Variants in TNFSF4 observed in about 807,000 individuals in gnomAD.
TNFSF4 encodes TNF superfamily member 4, also known as tumor necrosis factor ligand superfamily member 4.
TNFSF4 carries 4 observed loss-of-function variants against 7.3 expected under a neutral mutation model. That is an observed-to-expected ratio of 0.55 (90% CI 0.27 to 1.25). The LOEUF is 1.25. TNFSF4 is among the 50% of genes most tolerant of loss of function. TNFSF4 has a pLI of 0.12. For synonymous variants in TNFSF4, 76 were observed against 83.7 expected, an observed-to-expected ratio of 0.91 and a Z score of 0.50; for missense variants, 181 against 208.8, an observed-to-expected ratio of 0.87 and a Z score of 0.82.
chr1:173,254,364 G>A, the TNFSF4 span, among the ~76,000 whole-genome samples: 1 of 152,146 alleles, frequency 6.6e-6, no homozygotes, highest in Non-Finnish European at 1.5e-5. Context: ...GGAAAAAAAT[G>A]GCTGATTATT....
the TNFSF4 span, among the ~76,000 whole-genome samples, chr1:173,433,578 T>C: frequency 6.6e-6 from 1 of 151,806 alleles, no homozygotes; most frequent in Admixed American, 6.6e-5. Flanking sequence ...GGCATGCACC[T>C]GTAGACCCAG....
chr1:173,198,641 T>A (rs113460364), intron 1 of TNFSF4, among the ~76,000 whole-genome samples: 1 of 152,086 alleles, frequency 6.6e-6, no homozygotes, highest in Non-Finnish European at 1.5e-5. Context: ...AACAAAAAGA[T>A]TATTCCTGTA....
upstream of TNFSF4, chr1:173,207,432 C>CTT: frequency 8.2e-5 from 24 of 293,132 alleles, no homozygotes; most frequent in East Asian, 2.3e-4. Context: ...TACTTTCTTT[C>CTT]TTTTTTTTTT....
the TNFSF4 span, among the ~76,000 whole-genome samples, chr1:173,444,858 AC>A: frequency 6.6e-6 from 1 of 152,228 alleles, no homozygotes; most frequent in Non-Finnish European, 1.5e-5. Flanking sequence ...GCACACTGTC[AC>A]CTGCATTCTA....
chr1:173,252,223 A>G, the TNFSF4 span, among the ~76,000 whole-genome samples: 1 of 152,168 alleles, frequency 6.6e-6, no homozygotes, highest in Non-Finnish European at 1.5e-5. Context: ...ATAGAAAGAA[A>G]AATAGAAAAG....
At chr1:173,401,179 G>A in the TNFSF4 span, among the ~76,000 whole-genome samples, 8 of 152,174 alleles carry the variant, frequency 5.3e-5, no homozygotes, top group Admixed American at 1.3e-4. Flanking sequence ...TCACTCAAGT[G>A]CTTTAACTCC....
the TNFSF4 span, among the ~76,000 whole-genome samples, chr1:173,319,444 A>T: frequency 6.6e-6 from 1 of 152,126 alleles, no homozygotes; most frequent in Non-Finnish European, 1.5e-5. Context: ...GTACCTGCTG[A>T]CTCTGAAGAG....
the TNFSF4 span, among the ~76,000 whole-genome samples, chr1:173,409,096 C>T: frequency 6.6e-6 from 1 of 152,166 alleles, no homozygotes; most frequent in Admixed American, 6.5e-5. Context: ...CACTTCTCTG[C>T]TATTCCTACC....
chr1:173,435,639 C>T, the TNFSF4 span, among the ~76,000 whole-genome samples: 1 of 152,150 alleles, frequency 6.6e-6, no homozygotes, highest in South Asian at 2.1e-4. Context: ...AACACCTTGT[C>T]TATGGTATTT....
chr1:173,385,427 C>T, the TNFSF4 span, among the ~76,000 whole-genome samples: 2 of 152,154 alleles, frequency 1.3e-5, no homozygotes, highest in Admixed American at 6.5e-5. Context: ...CACTCTATAG[C>T]TAAAAAGGCT....
At chr1:173,239,194 T>C in the TNFSF4 span, among the ~76,000 whole-genome samples, 1 of 152,132 alleles carries the variant, frequency 6.6e-6, no homozygotes, top group East Asian at 1.9e-4. Flanking sequence ...CACATCAGAG[T>C]TATGCCTGCC....
At chr1:173,433,836 C>T in the TNFSF4 span, among the ~76,000 whole-genome samples, 1 of 152,150 alleles carries the variant, frequency 6.6e-6, no homozygotes, top group South Asian at 2.1e-4. Context: ...CTGAATATGG[C>T]CTTATTTGGA....
the TNFSF4 span, among the ~76,000 whole-genome samples, chr1:173,248,538 A>C: frequency 2.6e-5 from 4 of 151,924 alleles, no homozygotes; most frequent in African/African-American, 9.7e-5. Context: ...AGGAGAAAAG[A>C]AAAGAAAATT....
At chr1:173,332,626 C>T in the TNFSF4 span, among the ~76,000 whole-genome samples, 14 of 152,258 alleles carry the variant, frequency 9.2e-5, no homozygotes, top group South Asian at 1.0e-3. Flanking sequence ...GAGGCCAAGG[C>T]GGGTGGATCA....
chr1:173,282,820 T>G, the TNFSF4 span, among the ~76,000 whole-genome samples: 15 of 152,338 alleles, frequency 9.8e-5, no homozygotes, highest in Non-Finnish European at 7.3e-5. Flanking sequence ...CTCTTTCATT[T>G]TGTTTATATA....
chr1:173,374,815 T>C, the TNFSF4 span, among the ~76,000 whole-genome samples: 1 of 152,058 alleles, frequency 6.6e-6, no homozygotes, highest in East Asian at 1.9e-4. Flanking sequence ...CCCTCAAAGC[T>C]CAAGTCCATC....
At chr1:173,241,977 C>A in the TNFSF4 span, among the ~76,000 whole-genome samples, 1 of 152,132 alleles carries the variant, frequency 6.6e-6, no homozygotes, top group Middle Eastern at 3.2e-3. Flanking sequence ...TACAGCCAGG[C>A]CTTTGGGGGC....
chr1:173,319,315 G>A, the TNFSF4 span, among the ~76,000 whole-genome samples: 7 of 152,292 alleles, frequency 4.6e-5, no homozygotes, highest in Admixed American at 1.3e-4. Flanking sequence ...GCAGGGCATC[G>A]CTGAAGGAAA....
chr1:173,339,635 A>G, the TNFSF4 span, among the ~76,000 whole-genome samples: 1 of 152,138 alleles, frequency 6.6e-6, no homozygotes, highest in Non-Finnish European at 1.5e-5. Context: ...ACTTTATATC[A>G]TAGTATTTAA....
Sources: gnomAD v4.1 joint callset for allele counts (sites outside exome capture counted in the v4.1 genomes callset) on GRCh38, gnomAD v4.1.1 for gene constraint, MANE v1.5 for transcripts, NCBI Gene and HGNC (gene_info 2026-07-23, HGNC 2026-07-21) for gene names.